The following NAV3 variants were observed in gnomAD, a reference collection of about 807,000 sequenced individuals.
NAV3 encodes the protein pore membrane and/or filament interacting like protein 1.
Under a neutral mutation model 244.7 loss-of-function variants are expected in NAV3, and 87 were observed. The observed-to-expected ratio is 0.36, with a 90% confidence interval of 0.30 to 0.42. The LOEUF (loss-of-function observed/expected upper bound fraction) is 0.42. Among genes scored for constraint, NAV3 ranks in the 20% least tolerant of loss-of-function variants. The probability of loss-of-function intolerance (pLI) is 1.00; values close to 1 mark genes in which losing one functional copy is unlikely to be tolerated. For synonymous variants in NAV3, 1,126 were observed against 1,042.2 expected, an observed-to-expected ratio of 1.08 and a Z score of -1.55; for missense variants, 2,663 against 2,893.3, an observed-to-expected ratio of 0.92 and a Z score of 1.83.
intron 39 of NAV3, 60 bp from the exon 40 acceptor site, chr12:78,210,338 T>G (rs1320070456): frequency 5.0e-6 from 8 of 1,605,842 alleles, no homozygotes; most frequent in Non-Finnish European, 5.9e-6. Context: ...GCCTTGTTTT[T>G]TATGGGCTGG....
rs756805711 is a variant in NAV3, at chr12:77,645,536, T to TAAAAAAAAAAAAAAAAAAAA, written c.72+73275_72+73294dup. ...GAATTCATGGAGAGCTCTCTCTCTCTAAAAAAAAAAAAAAAAAAAAAAAAC... is the reference window on the plus strand; with the variant it reads ...GAATTCATGGAGAGCTCTCTCTCTCTAAAAAAAAAAAAAAAAAAAAAAAAAAAAAAAAAAAAAAAAAAAAC... On this transcript the variant is annotated intron_variant, in intron 2 of 8. Transcript: ENST00000550042. Among the ~76,000 whole-genome samples the TAAAAAAAAAAAAAAAAAAAA allele has an allele frequency of 2.2e-4, 14 of 63,006 alleles. 1 individual carries two copies. The highest frequency in any genetic ancestry group is 1.0e-3 in the African/African-American group (14 of 13,764). 41.3% of individuals were successfully genotyped at this position (63,006 alleles called of 152,430 possible). A position where few individuals can be genotyped will look rare whatever the true frequency, so the allele number is the denominator to read the frequency against.
intron 38 of NAV3, among the ~76,000 whole-genome samples, chr12:78,201,619 T>C (rs1048205002): frequency 3.3e-5 from 5 of 152,210 alleles, no homozygotes; most frequent in African/African-American, 1.2e-4. Flanking sequence ...CATTTTTCCA[T>C]AAGTATTGCT....
intron 12 of NAV3, among the ~76,000 whole-genome samples, chr12:78,068,395 T>TATAA (rs1885281880): frequency 2.0e-5 from 3 of 151,048 alleles, no homozygotes; most frequent in Admixed American, 6.6e-5. Context: ...AACATATCTA[T>TATAA]ACTATAAATA....
chr12:77,996,671 C>T (rs1016028234), intron 6 of NAV3, among the ~76,000 whole-genome samples: 5 of 151,736 alleles, frequency 3.3e-5, no homozygotes, highest in African/African-American at 1.2e-4. Flanking sequence ...ATGATATAGT[C>T]TAGTAGTATT....
chr12:78,059,855 C>T (rs1377499905), intron 12 of NAV3, among the ~76,000 whole-genome samples: 1 of 151,956 alleles, frequency 6.6e-6, no homozygotes, highest in Non-Finnish European at 1.5e-5. Context: ...TATTTCAAAT[C>T]ATCTAGTATA....
At chr12:77,833,770 A>G (rs1874125202) in intron 1 of NAV3, among the ~76,000 whole-genome samples, 1 of 152,150 alleles carries the variant, frequency 6.6e-6, no homozygotes, top group Non-Finnish European at 1.5e-5. Flanking sequence ...GAATGTTGGA[A>G]GTACCTCTCA....
At chr12:77,913,030 T>G (rs1592980744) in intron 1 of NAV3, among the ~76,000 whole-genome samples, 1 of 152,228 alleles carries the variant, frequency 6.6e-6, no homozygotes, top group East Asian at 1.9e-4. Flanking sequence ...AGTTTATATT[T>G]GAGACACAGT....
intron 2 of NAV3, among the ~76,000 whole-genome samples, chr12:77,659,420 A>T (rs1167979837): frequency 6.6e-6 from 1 of 152,208 alleles, no homozygotes; most frequent in Non-Finnish European, 1.5e-5. Flanking sequence ...ATATCATCTC[A>T]CACCAGTTAG....
chr12:78,018,579 G>A (rs12427357), intron 8 of NAV3, among the ~76,000 whole-genome samples: 6,698 of 152,200 alleles, frequency 0.044, 131 homozygotes, highest in Admixed American at 0.065. Context: ...ACCAATTAGC[G>A]GTGGGCTTTA....
intron 2 of NAV3, among the ~76,000 whole-genome samples, chr12:77,741,148 C>CAAAAAAAAAAAAAAAAGAA (rs1868322686): frequency 2.9e-5 from 2 of 68,668 alleles, no homozygotes; most frequent in African/African-American, 5.9e-5. Context: ...AAAAAAAAGA[C>CAAAAAAAAAAAAAAAAGAA]AAAAAAAAAA....
chr12:77,717,809 G>A (rs1224870263), intron 2 of NAV3, among the ~76,000 whole-genome samples: 1 of 151,946 alleles, frequency 6.6e-6, no homozygotes, highest in Non-Finnish European at 1.5e-5. Context: ...GTGAGGCACT[G>A]TCTCAGTTGG....
At position 78,050,068 on chromosome 12, in the gene NAV3, T is replaced by C; in HGVS notation, c.2099T>C (p.Met700Thr). The change falls in exon 10 of 40, where the codon ATG (methionine) becomes ACG (threonine). Residue 700 changes from methionine to threonine, a missense_variant. This residue lies in a region of NAV3 where 1,521 missense variants were observed against 1,497.0 expected (regional missense o/e 1.02). Coordinates refer to ENST00000397909, the MANE Select transcript of NAV3 (RefSeq NM_001024383.2). ...ADLRQNLEET[M>T]SSLRGTQISH... ...TTGAGGCAGAATTTAGAAGAGACTATGTCCAGTCTTCGTGGGACTCAGATA... is the reference window on the plus strand; with the variant it reads ...TTGAGGCAGAATTTAGAAGAGACTACGTCCAGTCTTCGTGGGACTCAGATA... 6.2e-7 allele frequency: 1 copy of C among 1,613,030 alleles called. No homozygotes were observed. Among genetic ancestry groups the C allele is most frequent in the Non-Finnish European group, 8.5e-7 (1 of 1,179,658 alleles).
At chr12:77,573,041 G>T (rs1445969906) in intron 2 of NAV3, among the ~76,000 whole-genome samples, 1 of 152,178 alleles carries the variant, frequency 6.6e-6, no homozygotes, top group Non-Finnish European at 1.5e-5. Context: ...ATCATCTTTT[G>T]CAGTGCTCTT....
intron 2 of NAV3, among the ~76,000 whole-genome samples, chr12:77,812,289 AACTTAAAAAATAGTGTTTATTAAATG>A (rs1412760218): frequency 5.3e-5 from 8 of 152,242 alleles, no homozygotes; most frequent in Non-Finnish European, 1.0e-4. Context: ...ACAAATAAAT[AACTTAAAAAATAGTGTTTATTAAATG>A]ACTTTCATTT....
chr12:77,787,016 AC>A (rs1870934937), intron 2 of NAV3, among the ~76,000 whole-genome samples: 1 of 151,638 alleles, frequency 6.6e-6, no homozygotes, highest in South Asian at 2.1e-4. Context: ...ACTCCCTTTA[AC>A]CCCCTATCTG....
intron 2 of NAV3, among the ~76,000 whole-genome samples, chr12:77,621,680 A>G (rs748867655): frequency 6.6e-5 from 10 of 151,900 alleles, no homozygotes; most frequent in Non-Finnish European, 1.3e-4. Flanking sequence ...GGGTTTCACC[A>G]TGTTGGCCAG....
At chr12:77,597,270 T>G (rs1236827066) in intron 2 of NAV3, among the ~76,000 whole-genome samples, 8 of 152,142 alleles carry the variant, frequency 5.3e-5, no homozygotes. Context: ...TGCTCACTTG[T>G]CTGTATTCCA....
chr12:78,172,579 C>G (rs758045846), intron 24 of NAV3, among the ~76,000 whole-genome samples: 3 of 151,380 alleles, frequency 2.0e-5, no homozygotes, highest in African/African-American at 4.8e-5. Context: ...ACCAAGGAAC[C>G]TACTGGAGGT....
intron 11 of NAV3, among the ~76,000 whole-genome samples, chr12:78,055,458 C>T (rs1245564183): frequency 1.3e-5 from 2 of 152,236 alleles, no homozygotes; most frequent in East Asian, 3.9e-4. Flanking sequence ...TATTAGTTAA[C>T]ATTGATTTCG....
Sources: allele counts gnomAD v4.1 joint callset (sites outside exome capture counted in the v4.1 genomes callset), GRCh38; gene constraint gnomAD v4.1.1; regional missense constraint gnomAD v4.1.1; transcripts MANE v1.5; gene names NCBI Gene and HGNC (gene_info 2026-07-23, HGNC 2026-07-21).